The following SYK variants were observed in gnomAD, a reference collection of about 807,000 sequenced individuals.
SYK encodes the protein tyrosine-protein kinase SYK.
A neutral mutation model predicts 77.8 loss-of-function variants in SYK; 16 were observed. The ratio of observed to expected loss-of-function variants is 0.21; its 90% CI spans 0.14 to 0.31. The LOEUF is 0.31. Ranked by LOEUF, SYK falls within the 10% of genes least tolerant of loss-of-function variation. The pLI is 1.00. For missense variants in SYK, 529 were observed against 814.4 expected (o/e 0.65, Z 4.26); for synonymous variants, 312 against 308.7 (o/e 1.01, Z -0.11).
chr9:90,891,241 G>A (rs1828780232), intron 13 of SYK, among the ~76,000 whole-genome samples: 1 of 151,246 alleles, frequency 6.6e-6, no homozygotes, highest in Non-Finnish European at 1.5e-5. Context: ...TGTCTCCCGG[G>A]TTCACACCAT....
chr9:90,811,536 T>C (rs1252162607), intron 1 of SYK, among the ~76,000 whole-genome samples: 3 of 152,222 alleles, frequency 2.0e-5, no homozygotes, highest in Non-Finnish European at 2.9e-5. Context: ...CTAAAAAATG[T>C]GGAATTTATT....
rs1828995722 is a variant in SYK at position 90,896,539 on chromosome 9, G to A, written c.*939G>A. 1.3e-5 allele frequency: 3 copies of A among 232,736 alleles called. No homozygotes were observed. Among genetic ancestry groups the A allele is most frequent in the African/African-American group, 4.4e-5 (2 of 45,318 alleles). The allele number at this position is 232,736 out of a possible 1,614,324, so 14.4% of individuals were successfully genotyped here. A position where few individuals can be genotyped will look rare whatever the true frequency, so the allele number is the denominator to read the frequency against. On this transcript the variant is annotated 3_prime_UTR_variant, in exon 14 of 14. Coordinates refer to ENST00000375754, the MANE Select transcript of SYK (RefSeq NM_003177.7). ...CTTTCTGTGTCTGCAATGGGGGGCAGCACAGGGATCAAAGCCATCTAAAGA... is the reference window on the plus strand; with the variant it reads ...CTTTCTGTGTCTGCAATGGGGGGCAACACAGGGATCAAAGCCATCTAAAGA...
At chr9:90,886,429 G>GCACACCTGTTTCC (rs1828581463) in intron 11 of SYK, among the ~76,000 whole-genome samples, 1 of 152,216 alleles carries the variant, frequency 6.6e-6, no homozygotes, top group South Asian at 2.1e-4. Flanking sequence ...AACAGGCTGG[G>GCACACCTGTTTCC]CACGGTGGCT....
Position 90,874,253 on chromosome 9 carries a change from C to T in SYK, c.965C>T (p.Pro322Leu), listed in dbSNP as rs903194537. The T allele has an allele frequency of 2.5e-6, 4 of 1,614,068 alleles. No homozygotes were observed. The highest frequency in any genetic ancestry group is 2.2e-5 in the East Asian group (1 of 44,900). ...NRQESTVSFN[P>L]YEPELAPWAA... The stretch of plus-strand genomic sequence containing the variant: ...CAAGAGAGTACTGTGTCATTCAATC[C>T]GTATGAGCCAGAACTTGCACCCTGG... Residue 322 changes from proline (P) to leucine (L), a missense_variant, in exon 8 of 14, where the codon CCG becomes CTG. By Grantham distance (98) the Pro-to-Leu change is moderately conservative. This residue lies in a region of SYK where 321 missense variants were observed against 433.1 expected (regional missense o/e 0.74). Transcript: ENST00000375754.
intron 1 of SYK, among the ~76,000 whole-genome samples, chr9:90,840,631 A>G (rs1421032079): frequency 6.6e-6 from 1 of 152,036 alleles, no homozygotes; most frequent in African/African-American, 2.4e-5. Flanking sequence ...GAGACTCATC[A>G]GCACACTGTG....
At chr9:90,866,455 C>G (rs1161711084) in intron 6 of SYK, among the ~76,000 whole-genome samples, 2 of 152,112 alleles carry the variant, frequency 1.3e-5, no homozygotes, top group South Asian at 4.1e-4. Context: ...AAATGTAATG[C>G]CTTTATGGAA....
intron 13 of SYK, among the ~76,000 whole-genome samples, chr9:90,892,626 G>A (rs1828839256): frequency 6.6e-6 from 1 of 152,190 alleles, no homozygotes; most frequent in African/African-American, 2.4e-5. Context: ...AGGAAACACT[G>A]GCCCTAAGAA....
At chr9:90,847,795 G>A (rs1310850320) in intron 3 of SYK, among the ~76,000 whole-genome samples, 3 of 152,158 alleles carry the variant, frequency 2.0e-5, no homozygotes, top group African/African-American at 4.8e-5. Context: ...TACACACCAC[G>A]TACACCGCAC....
At chr9:90,872,327 A>G (rs780289905) in intron 7 of SYK, among the ~76,000 whole-genome samples, 1 of 152,254 alleles carries the variant, frequency 6.6e-6, no homozygotes, top group Non-Finnish European at 1.5e-5. Context: ...TAGTCCGAGG[A>G]CATCCTTTAA....
At position 90,887,746 on chromosome 9, in the gene SYK, T is replaced by C; in HGVS notation, c.1582-3T>C. The C allele has an allele frequency of 6.3e-7, 1 of 1,595,520 alleles. No individual in the cohort carries two copies. Among genetic ancestry groups the C allele is most frequent in the Non-Finnish European group, 8.5e-7 (1 of 1,170,602 alleles). On this transcript the variant is annotated splice_region_variant and splice_polypyrimidine_tract_variant and intron_variant, in intron 11 of 13. Coordinates refer to ENST00000375754, the MANE Select transcript of SYK (RefSeq NM_003177.7). ...GGAATTTCTCCCTCTGCTTTGCTTT[T>C]AGGCCCAGACCCATGGAAAGTGGCC... is the stretch of plus-strand genomic sequence containing the variant.
At chr9:90,837,973 C>G (rs977740900) in intron 1 of SYK, among the ~76,000 whole-genome samples, 2 of 152,180 alleles carry the variant, frequency 1.3e-5, no homozygotes, top group African/African-American at 4.8e-5. Context: ...AGAGGGAAGA[C>G]TCCTGAAAGC....
At chr9:90,813,983 C>T (rs1458509654) in intron 1 of SYK, among the ~76,000 whole-genome samples, 1 of 152,138 alleles carries the variant, frequency 6.6e-6, no homozygotes. Flanking sequence ...TGACTTTGGC[C>T]CTTGCTCTTT....
intron 1 of SYK, among the ~76,000 whole-genome samples, chr9:90,839,398 T>G (rs1826209673): frequency 6.6e-6 from 1 of 152,098 alleles, no homozygotes. Context: ...CACATTCTTC[T>G]GCCACCTGCT....
At chr9:90,832,517 G>A (rs1418394230) in intron 1 of SYK, among the ~76,000 whole-genome samples, 2 of 152,164 alleles carry the variant, frequency 1.3e-5, no homozygotes, top group Non-Finnish European at 2.9e-5. Flanking sequence ...CCAGGGTGAG[G>A]CAGGCAGCTT....
chr9:90,864,912 A>T, intron 5 of SYK, 136 bp from the exon 6 acceptor site: 1 of 890,982 alleles, frequency 1.1e-6, no homozygotes, highest in Admixed American at 2.4e-5. Context: ...AGAGGGTCGA[A>T]AGAAGTACCT....
At position 90,867,217 on chromosome 9, in the gene SYK, G is replaced by A; in HGVS notation, c.915+18G>A. On this transcript the variant is annotated intron_variant, in intron 7 of 13. Transcript: ENST00000375754. ...ACAGAAAGGTGCTAAAGCAACCCCTGCTTGCTGTCCAACTAAGTGGTAGGA... is the reference window on the plus strand; with the variant it reads ...ACAGAAAGGTGCTAAAGCAACCCCTACTTGCTGTCCAACTAAGTGGTAGGA... 1.2e-6 allele frequency: 2 copies of A among 1,613,882 alleles called. No individual in the cohort carries two copies. Among genetic ancestry groups the A allele is most frequent in the Non-Finnish European group, 1.7e-6 (2 of 1,179,790 alleles).
chr9:90,887,314 G>A (rs1564125088), intron 11 of SYK, among the ~76,000 whole-genome samples: 1 of 152,048 alleles, frequency 6.6e-6, no homozygotes, highest in African/African-American at 2.4e-5. Flanking sequence ...CTCATCTGCT[G>A]AAGGACACTT....
chr9:90,830,632 C>G (rs998513054), intron 1 of SYK, among the ~76,000 whole-genome samples: 1 of 140,544 alleles, frequency 7.1e-6, no homozygotes, highest in Non-Finnish European at 1.5e-5. Context: ...GTCGCCCAGG[C>G]TGGAGTGCAG....
intron 1 of SYK, among the ~76,000 whole-genome samples, chr9:90,841,088 G>T (rs536417669): frequency 6.6e-6 from 1 of 151,834 alleles, no homozygotes; most frequent in East Asian, 1.9e-4. Flanking sequence ...TGTGTGTGTG[G>T]CATGTATGTA....
Sources: allele counts gnomAD v4.1 joint callset (sites outside exome capture counted in the v4.1 genomes callset), GRCh38; gene constraint gnomAD v4.1.1; regional missense constraint gnomAD v4.1.1; transcripts MANE v1.5; gene names NCBI Gene and HGNC (gene_info 2026-07-23, HGNC 2026-07-21).